The following MOB2 variants were observed in gnomAD, a reference collection of about 807,000 sequenced individuals.
MOB2 encodes the protein MOB2 Mps One Binder homolog.
MOB2 carries 14 observed loss-of-function variants against 27.4 expected under a neutral mutation model. The ratio of observed to expected loss-of-function variants is 0.51; its 90% CI spans 0.34 to 0.80. MOB2 has a LOEUF of 0.80. Among genes scored for constraint, MOB2 ranks in the 30% least tolerant of loss-of-function variants. The pLI is 0.01. For synonymous variants in MOB2, 167 were observed against 151.8 expected (o/e 1.10, Z -0.74); for missense variants, 304 against 354.6 (o/e 0.86, Z 1.15).
chr11:1,481,317 G>C (rs894426431), intron 1 of MOB2: 1 of 256,110 alleles, frequency 3.9e-6, no homozygotes, highest in Non-Finnish European at 8.0e-6. Flanking sequence ...CCCTGCCGCT[G>C]GTGGCCCCGG....
chr11:1,477,415 C>G (rs891324140), intron 3 of MOB2, among the ~76,000 whole-genome samples: 4 of 152,212 alleles, frequency 2.6e-5, no homozygotes, highest in African/African-American at 9.6e-5. Flanking sequence ...TGCACCACAG[C>G]ACCTAGAGTG....
intron 4 of MOB2, 101 bp from the exon 5 acceptor site, chr11:1,470,589 C>T: frequency 7.5e-7 from 1 of 1,337,628 alleles, no homozygotes; most frequent in African/African-American, 1.5e-5. Flanking sequence ...CTGCCACCCA[C>T]ACCTTGACCC....
At chr11:1,481,452 G>C (rs1319549046) in intron 1 of MOB2, 3 of 166,424 alleles carry the variant, frequency 1.8e-5, no homozygotes, top group Admixed American at 5.8e-5. Context: ...CACCAGGCCT[G>C]GGGAGGCCAC....
rs1316168262 is a variant in MOB2, at chr11:1,486,645, C to T, written c.-89G>A. ...AATGCCTGCTGCCGGGCCCTCCAGC[C>T]TCACTCCCTGGCCAATGGGACGCCT... On this transcript the variant is annotated 5_prime_UTR_variant, in exon 1 of 5. Coordinates refer to ENST00000329957, the MANE Select transcript of MOB2 (RefSeq NM_001172223.3). The T allele has an allele frequency of 2.3e-6, 2 of 868,260 alleles. No homozygotes were observed. The highest frequency in any genetic ancestry group is 3.6e-6 in the Non-Finnish European group (2 of 552,978). 53.8% of individuals were successfully genotyped at this position (868,260 alleles called of 1,614,324 possible).
At chr11:1,480,172 C>T (rs527982619) in intron 3 of MOB2, among the ~76,000 whole-genome samples, 1 of 152,340 alleles carries the variant, frequency 6.6e-6, no homozygotes, top group East Asian at 1.9e-4. Flanking sequence ...CCACCAGCTC[C>T]TGCACCTTCT....
rs370798265 is a variant in MOB2 at position 1,470,210 on chromosome 11, C to G, written c.769G>C (p.Gly257Arg). 2 of 1,611,082 alleles carry G rather than the reference C, an allele frequency of 1.2e-6. No homozygotes were observed. The highest frequency in any genetic ancestry group is 2.2e-5 in the East Asian group (1 of 44,824). ...ACGTGGTTCTGTGCTCCCGGGCCCC[C>G]GCTGCCGGCCCCATCCCCACTGCCC... ...SGGSGDGAGSGGPGAQNHVKE... is the reference protein window; with the variant it reads ...SGGSGDGAGSRGPGAQNHVKE... Residue 257 changes from glycine to arginine, a missense_variant, in exon 5 of 5, where the codon GGG becomes CGG. Coordinates refer to ENST00000329957, the MANE Select transcript of MOB2 (RefSeq NM_001172223.3).
At chr11:1,486,170 C>T (rs1214776554) in intron 1 of MOB2, among the ~76,000 whole-genome samples, 2 of 152,392 alleles carry the variant, frequency 1.3e-5, no homozygotes, top group East Asian at 3.9e-4. Context: ...CGCTCCTCTC[C>T]CACAGAGCAA....
chr11:1,479,346 C>T (rs944827705), intron 3 of MOB2, among the ~76,000 whole-genome samples: 5 of 152,258 alleles, frequency 3.3e-5, no homozygotes, highest in Admixed American at 6.5e-5. Flanking sequence ...AGGCCACCGC[C>T]GTCTCACATT....
intron 3 of MOB2, chr11:1,472,731 C>G (rs563131589): frequency 1.3e-5 from 2 of 152,978 alleles, no homozygotes; most frequent in East Asian, 3.9e-4. Context: ...TGGGGAGACG[C>G]CCCAAGGGCT....
chr11:1,470,462 A>G lies in MOB2; in HGVS notation c.517T>C (p.Ser173Pro), dbSNP rs548021172. The change falls in exon 5 of 5, where the codon TCC becomes CCC. Residue 173 changes from serine (S) to proline (P), a missense_variant. Physicochemically the swap from Ser to Pro is moderately conservative, Grantham distance 74. Transcript: ENST00000329957. ...YGREFPSSFE[S>P]LVRKICRHLF... is the part of the protein sequence containing the mutation. ...TGTCTGCAGATCTTCCTCACCAGGG[A>G]CTCAAAGGAGCTGGGGAATTCTCTG... 3.7e-6 allele frequency: 6 copies of G among 1,612,910 alleles called. No individual in the cohort carries two copies. Among genetic ancestry groups the G allele is most frequent in the East Asian group, 4.5e-5 (2 of 44,844 alleles).
In MOB2 at chr11:1,470,304, G is replaced by A. The variant is rs1393210782; in HGVS notation, c.675C>T (p.Pro225=). 1.9e-6 allele frequency: 3 copies of A among 1,613,266 alleles called. No individual in the cohort carries two copies. The African/African-American group carries it at 4.0e-5, about 22-fold the overall frequency. Reference sequence around the variant, plus strand: ...GGTCGTCCATGATGGCGGTCTCTTTGGGGTCCAGCAGGTTGAACTCCCGAG... The same window carrying A: ...GGTCGTCCATGATGGCGGTCTCTTTAGGGTCCAGCAGGTTGAACTCCCGAG... ...LFAREFNLLD[P]KETAIMDDLT... is the part of the protein sequence containing the mutation. Residue 225 remains proline (P), a synonymous_variant, in exon 5 of 5, where the codon CCC becomes CCT. Coordinates refer to ENST00000329957, the MANE Select transcript of MOB2 (RefSeq NM_001172223.3).
At chr11:1,474,984 T>C (rs1160235018) in intron 3 of MOB2, among the ~76,000 whole-genome samples, 2 of 152,248 alleles carry the variant, frequency 1.3e-5, no homozygotes, top group Non-Finnish European at 2.9e-5. Context: ...GGGATTTGGA[T>C]TGAGACTGCA....
At position 1,469,903 on chromosome 11, in the gene MOB2, C is replaced by G. The variant is rs1430313028; in HGVS notation, c.*269G>C. 8 of 783,154 alleles carry G rather than the reference C, an allele frequency of 1.0e-5. No homozygotes were observed. Among genetic ancestry groups the G allele is most frequent in the South Asian group, 4.4e-5 (3 of 68,558 alleles). 48.5% of individuals were successfully genotyped at this position (783,154 alleles called of 1,614,324 possible). A position where few individuals can be genotyped will look rare whatever the true frequency, so the allele number is the denominator to read the frequency against. The stretch of plus-strand genomic sequence containing the variant: ...AAGGAAAACCCCACAGAAGAAAACT[C>G]AAAGCATCAGTCCCATGCGTGTCTG... On this transcript the variant is annotated 3_prime_UTR_variant, in exon 5 of 5. Coordinates refer to ENST00000329957, the MANE Select transcript of MOB2 (RefSeq NM_001172223.3).
chr11:1,475,399 A>G (rs549056405), intron 3 of MOB2, among the ~76,000 whole-genome samples: 53 of 152,362 alleles, frequency 3.5e-4, no homozygotes, highest in African/African-American at 1.3e-3. Context: ...GCCTGAAGCC[A>G]CAGAGAGCAC....
rs887106576 is a variant in MOB2 at position 1,486,500 on chromosome 11, C to A, written c.57G>T (p.Leu19=). The stretch of plus-strand genomic sequence containing the variant: ...CCATTTTGCAGCAGAGTCCACTTTG[C>A]AGGGACTGGCCGGGCCGGGCTTGGT... ...PEDQARPGQS[L]QSGLCCKMVL... is the part of the protein sequence containing the mutation. Residue 19 remains leucine (L), a synonymous_variant, in exon 1 of 5, where the codon CTG becomes CTT. Transcript: ENST00000329957. 8 of 1,535,844 alleles carry A rather than the reference C, an allele frequency of 5.2e-6. No homozygotes were observed. The highest frequency in any genetic ancestry group is 3.3e-4 in the Middle Eastern group (2 of 5,988).
chr11:1,471,181 C>T, intron 4 of MOB2, 114 bp downstream of exon 4: 2 of 1,391,344 alleles, frequency 1.4e-6, no homozygotes, highest in Non-Finnish European at 1.9e-6. Context: ...GGTGCAGCTG[C>T]CGCCCTCCGT....
chr11:1,475,025 T>C (rs979226630), intron 3 of MOB2, among the ~76,000 whole-genome samples: 4 of 152,246 alleles, frequency 2.6e-5, no homozygotes, highest in Non-Finnish European at 5.9e-5. Context: ...GGGGGAGAAT[T>C]TGTGTTTGGA....
intron 3 of MOB2, chr11:1,472,211 C>T (rs1847801739): frequency 6.6e-6 from 1 of 152,058 alleles, no homozygotes; most frequent in African/African-American, 2.4e-5. Flanking sequence ...AGCCACCACC[C>T]CTCTCCCCCT....
At chr11:1,474,445 T>C (rs1306243520) in intron 3 of MOB2, among the ~76,000 whole-genome samples, 1 of 152,244 alleles carries the variant, frequency 6.6e-6, no homozygotes, top group African/African-American at 2.4e-5. Context: ...GGATTTCCTA[T>C]GGTTTCTTCC....
Sources: allele counts gnomAD v4.1 joint callset (sites outside exome capture counted in the v4.1 genomes callset), GRCh38; gene constraint gnomAD v4.1.1; transcripts MANE v1.5; gene names NCBI Gene and HGNC (gene_info 2026-07-23, HGNC 2026-07-21).